The following MCOLN2 variants were observed in gnomAD, a reference collection of about 807,000 sequenced individuals.
MCOLN2 encodes the protein mucolipin-2.
Under a neutral mutation model 67.5 loss-of-function variants are expected in MCOLN2, and 57 were observed. That is an observed-to-expected ratio of 0.84 (90% confidence interval 0.68 to 1.05). The LOEUF is 1.05. MCOLN2 is among the 50% of genes least tolerant of loss of function. The probability of loss-of-function intolerance (pLI) is 0.00; values close to 1 mark genes in which losing one functional copy is unlikely to be tolerated. For missense variants in MCOLN2, 620 were observed against 678.8 expected (o/e 0.91, Z 0.96); for synonymous variants, 246 against 233.3 (o/e 1.05, Z -0.50).
intron 1 of MCOLN2, chr1:84,972,078 A>G (rs1649722475): frequency 6.6e-6 from 1 of 152,192 alleles, no homozygotes; most frequent in Non-Finnish European, 1.5e-5. Flanking sequence ...ACAAACAAAA[A>G]AATTAAGTCA....
intron 11 of MCOLN2, among the ~76,000 whole-genome samples, chr1:84,932,403 G>A (rs753775289): frequency 6.6e-6 from 1 of 152,000 alleles, no homozygotes; most frequent in Non-Finnish European, 1.5e-5. Flanking sequence ...TGTAGAGATG[G>A]GGTTTCACCA....
At chr1:84,955,125 T>G (rs1388482504) in intron 4 of MCOLN2, among the ~76,000 whole-genome samples, 1 of 152,180 alleles carries the variant, frequency 6.6e-6, no homozygotes, top group African/African-American at 2.4e-5. Flanking sequence ...AGGAGGCTTT[T>G]CTCACTTTGC....
chr1:84,926,621 T>C lies in MCOLN2; in HGVS notation c.*64A>G, dbSNP rs1661168413. On this transcript the variant is annotated 3_prime_UTR_variant, in exon 14 of 14. Transcript: ENST00000370608. ...TTTTGGAACTGCTTGTCCAAGTCAT[T>C]TGGGGTTCCTCTGCTCAGCCGCTGG... 13 of 1,269,744 alleles carry C rather than the reference T, an allele frequency of 1.0e-5. No homozygotes were observed. Among genetic ancestry groups the C allele is most frequent in the Admixed American group, 2.1e-5 (1 of 48,028 alleles). The allele number at this position is 1,269,744 out of a possible 1,614,324, so 78.7% of individuals were successfully genotyped here. A position where few individuals can be genotyped will look rare whatever the true frequency, so the allele number is the denominator to read the frequency against.
At chr1:84,938,137 A>G in intron 9 of MCOLN2, 55 bp from the exon 10 acceptor site, 1 of 1,277,648 alleles carries the variant, frequency 7.8e-7, no homozygotes, top group Non-Finnish European at 1.1e-6. Context: ...GACTCCACTT[A>G]GCTTATTAGC....
chr1:84,944,666 T>G (rs200772076), intron 7 of MCOLN2, among the ~76,000 whole-genome samples: 1 of 152,158 alleles, frequency 6.6e-6, no homozygotes, highest in African/African-American at 2.4e-5. Context: ...CCAAGTTAAA[T>G]GAAGACATGG....
intron 9 of MCOLN2, 109 bp downstream of exon 9, chr1:84,939,444 A>C (rs1447430446): frequency 9.0e-7 from 1 of 1,105,434 alleles, no homozygotes; most frequent in Non-Finnish European, 1.3e-6. Context: ...GTGTGAGAAA[A>C]GGGAAGACAC....
chr1:84,947,725 C>T (rs2102827800), intron 6 of MCOLN2, among the ~76,000 whole-genome samples: 1 of 152,370 alleles, frequency 6.6e-6, no homozygotes, highest in East Asian at 1.9e-4. Flanking sequence ...ACCTAAGCTG[C>T]TATGGCATGA....
At chr1:84,970,843 C>T (rs553524524) in intron 1 of MCOLN2, among the ~76,000 whole-genome samples, 1 of 152,208 alleles carries the variant, frequency 6.6e-6, no homozygotes, top group Non-Finnish European at 1.5e-5. Context: ...ACAGAGAGTG[C>T]TTGATGCAGC....
At chr1:84,945,937 C>T (rs1051058906) in intron 7 of MCOLN2, among the ~76,000 whole-genome samples, 3 of 151,920 alleles carry the variant, frequency 2.0e-5, no homozygotes, top group South Asian at 2.1e-4. Context: ...TTAGTAGAGA[C>T]GCGGTTTTGT....
At chr1:84,961,854 A>G (rs1402716170) in intron 2 of MCOLN2, among the ~76,000 whole-genome samples, 2 of 152,210 alleles carry the variant, frequency 1.3e-5, no homozygotes, top group Admixed American at 1.3e-4. Flanking sequence ...CCAGGTAAAA[A>G]CAAGATACTG....
At chr1:84,952,679 T>C in intron 4 of MCOLN2, 149 bp from the exon 5 acceptor site, 4 of 616,006 alleles carry the variant, frequency 6.5e-6, no homozygotes, top group East Asian at 2.8e-5. Context: ...GGAAAAATGA[T>C]AGTAACCTCA....
chr1:84,937,105 G>A (rs1230133941), intron 11 of MCOLN2, among the ~76,000 whole-genome samples: 1 of 152,122 alleles, frequency 6.6e-6, no homozygotes, highest in Non-Finnish European at 1.5e-5. Flanking sequence ...TAAAACCAAG[G>A]CTTACCTAGT....
intron 12 of MCOLN2, chr1:84,929,893 T>C (rs1016539648): frequency 1.4e-4 from 47 of 340,488 alleles, no homozygotes; most frequent in Non-Finnish European, 2.1e-4. Context: ...AAGAAAAACT[T>C]CAGAAAGAAA....
At chr1:84,988,749 T>C (rs1650737913) in intron 1 of MCOLN2, among the ~76,000 whole-genome samples, 1 of 152,098 alleles carries the variant, frequency 6.6e-6, no homozygotes, top group Admixed American at 6.5e-5. Flanking sequence ...TTTAGGGGCT[T>C]TCCCCTTCTC....
intron 1 of MCOLN2, among the ~76,000 whole-genome samples, chr1:84,985,893 A>G (rs1330174560): frequency 1.3e-5 from 2 of 152,202 alleles, no homozygotes; most frequent in African/African-American, 4.8e-5. Context: ...GTCCAATGCA[A>G]TTCCCATCAA....
chr1:84,955,378 C>G (rs964698073), intron 4 of MCOLN2, among the ~76,000 whole-genome samples: 3 of 152,086 alleles, frequency 2.0e-5, no homozygotes, highest in African/African-American at 7.2e-5. Flanking sequence ...CATGTTTGAA[C>G]TGAAACCTTT....
At chr1:84,964,531 G>GGT (rs1649272209) in intron 2 of MCOLN2, among the ~76,000 whole-genome samples, 2 of 149,778 alleles carry the variant, frequency 1.3e-5, no homozygotes, top group Admixed American at 1.3e-4. Context: ...AGGAGTGGGG[G>GGT]GGGGTGGGTA....
rs17117841 is a variant in MCOLN2 at position 84,939,570 on chromosome 1, T to C, written c.1093A>G (p.Met365Val). 5.1e-3 allele frequency: 8,211 copies of C among 1,613,904 alleles called. 379 individuals are homozygous for C. The African/African-American group carries it at 0.095, about 19-fold the overall frequency. ...LMTIIGSILK[M>V]EIKAKNLTNY... ...TCCCTCACCTTTGCTTTGATTTCCA[T>C]TTTTAATATGGAGCCAATGATTGTC... The change falls in exon 9 of 14, where the codon ATG (methionine) becomes GTG (valine). Residue 365 changes from methionine to valine, a missense_variant. By Grantham distance (21) the Met-to-Val change is conservative (BLOSUM62 1). Coordinates refer to ENST00000370608, the MANE Select transcript of MCOLN2 (RefSeq NM_153259.4).
intron 2 of MCOLN2, among the ~76,000 whole-genome samples, chr1:84,964,668 C>A (rs544611600): frequency 3.9e-5 from 6 of 152,220 alleles, no homozygotes; most frequent in Non-Finnish European, 8.8e-5. Flanking sequence ...GGGCCCTGAG[C>A]TTGTTTTCCT....
Sources: gnomAD v4.1 joint callset for allele counts (sites outside exome capture counted in the v4.1 genomes callset) on GRCh38, gnomAD v4.1.1 for gene constraint, MANE v1.5 for transcripts, NCBI Gene and HGNC (gene_info 2026-07-23, HGNC 2026-07-21) for gene names.